PSPC1: variants seen among roughly 807,000 people sequenced by gnomAD.
PSPC1 encodes the protein paraspeckle component 1.
PSPC1 carries 14 observed loss-of-function variants against 51.6 expected under a neutral mutation model. That is an observed-to-expected ratio of 0.27 (90% CI 0.18 to 0.42). PSPC1 has a LOEUF of 0.42. PSPC1 is among the 10% of genes least tolerant of loss of function. PSPC1 has a pLI of 1.00. For synonymous variants in PSPC1, 193 were observed against 231.9 expected, an observed-to-expected ratio of 0.83 and a Z score of 1.53; for missense variants, 406 against 701.1, an observed-to-expected ratio of 0.58 and a Z score of 4.75.
intron 6 of PSPC1, among the ~76,000 whole-genome samples, chr13:19,690,468 G>C (rs938096398): frequency 6.6e-6 from 1 of 152,170 alleles, no homozygotes; most frequent in Non-Finnish European, 1.5e-5. Flanking sequence ...GGAAGAAAAG[G>C]TGTGAGAGAA....
At chr13:19,689,290 T>C (rs1878287947) in intron 6 of PSPC1, among the ~76,000 whole-genome samples, 1 of 152,036 alleles carries the variant, frequency 6.6e-6, no homozygotes, top group African/African-American at 2.4e-5. Context: ...AACAGGATGA[T>C]AACGAGGATG....
At chr13:19,736,627 G>A (rs375933025) in intron 5 of PSPC1, among the ~76,000 whole-genome samples, 2 of 152,258 alleles carry the variant, frequency 1.3e-5, no homozygotes, top group South Asian at 2.1e-4. Flanking sequence ...AGCTTGCAGT[G>A]AGCCGAGATC....
intron 6 of PSPC1, among the ~76,000 whole-genome samples, chr13:19,685,653 G>A (rs1295080589): frequency 6.6e-6 from 1 of 152,196 alleles, no homozygotes; most frequent in African/African-American, 2.4e-5. Context: ...AGCAGCAAGA[G>A]TAGAGCAAGC....
chr13:19,773,652 T>A lies in PSPC1; in HGVS notation c.373-1109A>T, dbSNP rs545778591. On this transcript the variant is annotated intron_variant, in intron 1 of 8. Transcript: ENST00000338910. ...TGTAAAAACTGTTAGTTCTTGGGTTTTTTTTTCAGGGGAGGGAGGTGTCTG... is the reference window on the plus strand; with the variant it reads ...TGTAAAAACTGTTAGTTCTTGGGTTATTTTTTCAGGGGAGGGAGGTGTCTG... Among the ~76,000 whole-genome samples the A allele has an allele frequency of 2.6e-5, 4 of 152,178 alleles. No homozygotes were observed. The East Asian group carries it at 7.7e-4, about 29-fold the overall frequency.
At position 19,722,841 on chromosome 13, in the gene PSPC1, G is replaced by A. The variant is rs547079095; in HGVS notation, c.1158+7398C>T. Among the ~76,000 whole-genome samples, 130 of 152,040 alleles carry A rather than the reference G, an allele frequency of 8.6e-4. 1 individual carries two copies. The highest frequency in any genetic ancestry group is 3.0e-3 in the African/African-American group (126 of 41,466). ...AAAAAATTTTCTGGCCAGGCACAGT[G>A]ACTCATGCCTGTAATCCCAGCACTT... On this transcript the variant is annotated intron_variant, in intron 6 of 8. Coordinates refer to ENST00000338910, the MANE Select transcript of PSPC1 (RefSeq NM_001354909.2).
chr13:19,756,560 C>T (rs983352663), intron 3 of PSPC1, among the ~76,000 whole-genome samples: 6 of 151,576 alleles, frequency 4.0e-5, no homozygotes, highest in East Asian at 2.0e-4. Context: ...AGTGTGGTGG[C>T]GCGATCTTGG....
intron 3 of PSPC1, 104 bp downstream of exon 3, chr13:19,759,219 G>T: frequency 1.1e-6 from 1 of 878,184 alleles, no homozygotes; most frequent in Non-Finnish European, 1.8e-6. Flanking sequence ...CTATTACCCA[G>T]ATTATATAAA....
intron 8 of PSPC1, among the ~76,000 whole-genome samples, chr13:19,705,289 T>C (rs1880503902): frequency 6.6e-6 from 1 of 152,310 alleles, no homozygotes; most frequent in Admixed American, 6.5e-5. Context: ...GGTCAGGAGT[T>C]TGAGACCAGC....
At chr13:19,690,349 T>A (rs1878406460) in intron 6 of PSPC1, among the ~76,000 whole-genome samples, 1 of 152,232 alleles carries the variant, frequency 6.6e-6, no homozygotes, top group East Asian at 1.9e-4. Context: ...GAGTTCTAGT[T>A]GCTACATTTT....
At chr13:19,738,924 G>C (rs1885136637) in intron 5 of PSPC1, among the ~76,000 whole-genome samples, 1 of 149,492 alleles carries the variant, frequency 6.7e-6, no homozygotes, top group African/African-American at 2.4e-5. Flanking sequence ...AAAAAAAAGA[G>C]AATGACAAGT....
chr13:19,736,041 C>T (rs926988089), intron 5 of PSPC1, among the ~76,000 whole-genome samples: 2 of 151,966 alleles, frequency 1.3e-5, no homozygotes, highest in Non-Finnish European at 1.5e-5. Context: ...AGGATGGTCT[C>T]GATCTCCTGA....
intron 6 of PSPC1, among the ~76,000 whole-genome samples, chr13:19,719,961 G>T (rs1882568698): frequency 6.6e-6 from 1 of 152,102 alleles, no homozygotes; most frequent in Non-Finnish European, 1.5e-5. Flanking sequence ...GGACTACAAG[G>T]CACACAACAC....
intron 6 of PSPC1, among the ~76,000 whole-genome samples, chr13:19,694,919 G>A (rs966384617): frequency 9.2e-5 from 14 of 152,092 alleles, no homozygotes; most frequent in Admixed American, 4.6e-4. Context: ...TGCCTTTATC[G>A]CTACATGGTA....
intron 3 of PSPC1, among the ~76,000 whole-genome samples, chr13:19,756,066 G>A (rs1371436857): frequency 1.3e-5 from 2 of 151,930 alleles, no homozygotes; most frequent in Non-Finnish European, 2.9e-5. Flanking sequence ...GTAAAACCCC[G>A]TCTCTACTAA....
chr13:19,738,905 CAAAA>C (rs35177083), intron 5 of PSPC1, among the ~76,000 whole-genome samples: 3 of 112,046 alleles, frequency 2.7e-5, no homozygotes, highest in Admixed American at 1.0e-4. Context: ...GACTCCATCT[CAAAA>C]AAAAAAAAAA....
At chr13:19,759,283 T>G in intron 3 of PSPC1, 40 bp downstream of exon 3, 1 of 1,467,394 alleles carries the variant, frequency 6.8e-7, no homozygotes. Context: ...TGAACACCCT[T>G]AATAGTACAG....
chr13:19,749,536 A>AG (rs1339711014), intron 4 of PSPC1, among the ~76,000 whole-genome samples: 1 of 151,966 alleles, frequency 6.6e-6, no homozygotes, highest in East Asian at 1.9e-4. Context: ...CAAAAAAAAA[A>AG]AAAAAAATCT....
At chr13:19,684,030 G>A (rs961184566) in intron 6 of PSPC1, among the ~76,000 whole-genome samples, 2 of 152,250 alleles carry the variant, frequency 1.3e-5, no homozygotes, top group East Asian at 3.9e-4. Context: ...CTAGAGAAAA[G>A]CTTGGAATGG....
chr13:19,763,754 G>A (rs1313057663), intron 2 of PSPC1, among the ~76,000 whole-genome samples: 2 of 152,120 alleles, frequency 1.3e-5, no homozygotes, highest in East Asian at 3.9e-4. Flanking sequence ...TAATCTCAAC[G>A]CCTTGGGAGG....
Sources: gnomAD v4.1 joint callset for allele counts (sites outside exome capture counted in the v4.1 genomes callset) on GRCh38, gnomAD v4.1.1 for gene constraint, MANE v1.5 for transcripts, NCBI Gene and HGNC (gene_info 2026-07-23, HGNC 2026-07-21) for gene names.